The following ADAM32 variants were observed in gnomAD, a reference collection of about 807,000 sequenced individuals.
ADAM32 encodes the protein disintegrin and metalloproteinase domain-containing protein 32.
A neutral mutation model predicts 114.9 loss-of-function variants in ADAM32; 89 were observed. The observed-to-expected ratio is 0.77, with a 90% CI of 0.65 to 0.92. ADAM32 has a LOEUF of 0.92. Among genes scored for constraint, ADAM32 ranks in the 40% least tolerant of loss-of-function variants. The pLI is 0.00. For missense variants in ADAM32, 870 were observed against 932.8 expected, an observed-to-expected ratio of 0.93 and a Z score of 0.88; for synonymous variants, 285 against 307.5, an observed-to-expected ratio of 0.93 and a Z score of 0.77.
At chr8:39,218,661 A>G (rs938535475) in intron 12 of ADAM32, among the ~76,000 whole-genome samples, 11 of 152,120 alleles carry the variant, frequency 7.2e-5, no homozygotes, top group Non-Finnish European at 1.2e-4. Flanking sequence ...ACAGGCCCAC[A>G]GGGAGTAATG....
chr8:39,182,321 A>T (rs919115272), intron 10 of ADAM32, among the ~76,000 whole-genome samples: 1 of 152,230 alleles, frequency 6.6e-6, no homozygotes, highest in Non-Finnish European at 1.5e-5. Flanking sequence ...TGGAAGATTA[A>T]AAAAAGGAAC....
chr8:39,221,524 CA>C, intron 12 of ADAM32, 85 bp from the exon 13 acceptor site: 1 of 1,031,732 alleles, frequency 9.7e-7, no homozygotes, highest in Non-Finnish European at 1.5e-6. Context: ...CAAATTCAAA[CA>C]GTAAGCCCAT....
At chr8:39,264,329 T>C (rs1256458626) in intron 19 of ADAM32, among the ~76,000 whole-genome samples, 2 of 152,188 alleles carry the variant, frequency 1.3e-5, no homozygotes, top group African/African-American at 4.8e-5. Flanking sequence ...TTCTAGGTTT[T>C]CTAGTTTGTG....
Position 39,257,179 on chromosome 8 carries a change from G to C in ADAM32, c.2006-8G>C. On this transcript the variant is annotated splice_region_variant and splice_polypyrimidine_tract_variant and intron_variant, in intron 18 of 24. Transcript: ENST00000379907. ...TTTGTTTTTTTTTTTTTGTATTTCT[G>C]TTTTTAGGTTCAATCATGGAAAGAG... 1 of 1,434,378 alleles carries C rather than the reference G, an allele frequency of 7.0e-7. No homozygotes were observed. Among genetic ancestry groups the C allele is most frequent in the Non-Finnish European group, 9.2e-7 (1 of 1,089,024 alleles). The allele number at this position is 1,434,378 out of a possible 1,614,324, so 88.9% of individuals were successfully genotyped here. A position where few individuals can be genotyped will look rare whatever the true frequency, so the allele number is the denominator to read the frequency against.
At chr8:39,246,434 A>C (rs781769500) in intron 17 of ADAM32, among the ~76,000 whole-genome samples, 3 of 152,218 alleles carry the variant, frequency 2.0e-5, no homozygotes, top group Admixed American at 6.5e-5. Context: ...TAAATACATT[A>C]ACCTGGTTCT....
At chr8:39,264,735 CTGTTA>C (rs986488761) in intron 19 of ADAM32, among the ~76,000 whole-genome samples, 9 of 152,082 alleles carry the variant, frequency 5.9e-5, no homozygotes, top group South Asian at 2.1e-4. Flanking sequence ...CCCAGAGTTT[CTGTTA>C]TGTTATATGT....
intron 13 of ADAM32, 77 bp from the exon 14 acceptor site, chr8:39,222,963 C>T: frequency 7.9e-7 from 1 of 1,265,630 alleles, no homozygotes; most frequent in Non-Finnish European, 1.1e-6. Context: ...AAATGATTAA[C>T]ACAATTTTGA....
At chr8:39,120,242 G>A (rs533960567) in intron 2 of ADAM32, among the ~76,000 whole-genome samples, 1 of 152,280 alleles carries the variant, frequency 6.6e-6, no homozygotes, top group African/African-American at 2.4e-5. Context: ...TAAAAATGTT[G>A]AAGTGGATTT....
chr8:39,174,506 T>G (rs1329124879), intron 10 of ADAM32, among the ~76,000 whole-genome samples: 2 of 151,980 alleles, frequency 1.3e-5, no homozygotes, highest in African/African-American at 4.8e-5. Context: ...ATTTATTTAT[T>G]TGTTTATTTT....
chr8:39,109,994 G>A (rs1564415571), intron 1 of ADAM32, among the ~76,000 whole-genome samples: 1 of 132,122 alleles, frequency 7.6e-6, no homozygotes, highest in East Asian at 2.1e-4. Flanking sequence ...AGCCATTTTG[G>A]ATGGACTTTT....
At chr8:39,120,109 G>C (rs1186378177) in intron 2 of ADAM32, among the ~76,000 whole-genome samples, 1 of 152,212 alleles carries the variant, frequency 6.6e-6, no homozygotes, top group Non-Finnish European at 1.5e-5. Context: ...CCAGCCTCCA[G>C]AACTGTGAGA....
intron 6 of ADAM32, among the ~76,000 whole-genome samples, chr8:39,156,591 C>T (rs992908231): frequency 6.6e-6 from 1 of 152,316 alleles, no homozygotes; most frequent in East Asian, 1.9e-4. Flanking sequence ...TATTAGTTTA[C>T]TACAGCTGCC....
At chr8:39,238,078 G>A (rs11777253) in intron 16 of ADAM32, among the ~76,000 whole-genome samples, 32,710 of 152,182 alleles carry the variant, frequency 0.21, 3,774 homozygotes, top group East Asian at 0.28. Context: ...GAGGTCCTGA[G>A]TCTGTCCACA....
At chr8:39,128,028 A>G (rs945531689) in intron 2 of ADAM32, among the ~76,000 whole-genome samples, 2 of 152,118 alleles carry the variant, frequency 1.3e-5, no homozygotes, top group East Asian at 3.9e-4. Context: ...GTAGATATCT[A>G]TCAGGTCTGC....
intron 16 of ADAM32, among the ~76,000 whole-genome samples, chr8:39,240,029 G>A (rs1213077040): frequency 1.3e-5 from 2 of 152,020 alleles, no homozygotes; most frequent in Admixed American, 6.5e-5. Context: ...CAAGACAGAA[G>A]GTCAACAAAG....
At chr8:39,266,253 T>C (rs972039505) in intron 19 of ADAM32, among the ~76,000 whole-genome samples, 1 of 152,236 alleles carries the variant, frequency 6.6e-6, no homozygotes, top group African/African-American at 2.4e-5. Flanking sequence ...TTCTCCAATA[T>C]GTTTTCCAAT....
At chr8:39,222,104 A>G (rs189014652) in intron 13 of ADAM32, among the ~76,000 whole-genome samples, 19 of 152,070 alleles carry the variant, frequency 1.2e-4, no homozygotes, top group Non-Finnish European at 7.4e-5. Context: ...TAAGGAAGGA[A>G]ACTCACTAGA....
At chr8:39,240,764 C>T (rs2129449797) in intron 16 of ADAM32, among the ~76,000 whole-genome samples, 1 of 152,252 alleles carries the variant, frequency 6.6e-6, no homozygotes, top group South Asian at 2.1e-4. Flanking sequence ...GATCTGCCCT[C>T]ATGGTTCAAT....
rs183618959 is a variant in ADAM32 at position 39,131,139 on chromosome 8, G to A, written c.139-5518G>A. ...GCCCAGCTAATTTTTTGTATTTTTA[G>A]TAGAGAGGGGATTTCACCGTGTTAG... On this transcript the variant is annotated intron_variant, in intron 2 of 24. Transcript: ENST00000379907. 4.0e-3 allele frequency among the ~76,000 whole-genome samples: 601 copies of A among 151,984 alleles called. 2 individuals carry two copies. Among genetic ancestry groups the A allele is most frequent in the Non-Finnish European group, 6.2e-3 (421 of 67,958 alleles).
Sources: allele counts gnomAD v4.1 joint callset (sites outside exome capture counted in the v4.1 genomes callset), GRCh38; gene constraint gnomAD v4.1.1; transcripts MANE v1.5; gene names NCBI Gene and HGNC (gene_info 2026-07-23, HGNC 2026-07-21).